KLHL22: variants seen among roughly 807,000 people sequenced by gnomAD.
The protein encoded by KLHL22 is kelch-like protein 22.
A neutral mutation model predicts 60.7 loss-of-function variants in KLHL22; 18 were observed. The ratio of observed to expected loss-of-function variants is 0.30; its 90% CI spans 0.20 to 0.44. KLHL22 has a LOEUF of 0.44. KLHL22 is among the 20% of genes least tolerant of loss of function. KLHL22 has a pLI of 1.00. For synonymous variants in KLHL22, 355 were observed against 354.5 expected (o/e 1.00, Z -0.01); for missense variants, 596 against 852.3 (o/e 0.70, Z 3.74).
rs776861095 is a variant in KLHL22, at chr22:20,471,455, C to T, written c.288G>A (p.Val96=). Residue 96 remains valine (V), a synonymous_variant, in exon 3 of 7, where the codon GTG becomes GTA. Transcript: ENST00000328879. ...MEQEEVLIHG[V]SYNAMCQILH... ...GGATTTGGCACATAGCATTGTAGGA[C>T]ACACCGTGGATCAGGACCTCTTCCT... 1.2e-6 allele frequency: 2 copies of T among 1,614,200 alleles called. No individual in the cohort carries two copies. The highest frequency in any genetic ancestry group is 1.7e-5 in the Admixed American group (1 of 60,018).
chr22:20,471,633 GC>G, intron 2 of KLHL22, 118 bp from the exon 3 acceptor site: 4 of 1,027,358 alleles, frequency 3.9e-6, no homozygotes, highest in African/African-American at 1.6e-5. Context: ...CTGGTAGTGG[GC>G]TGACCCACTC....
intron 5 of KLHL22, chr22:20,451,752 C>T (rs1008197927): frequency 3.2e-6 from 5 of 1,574,262 alleles, no homozygotes; most frequent in Non-Finnish European, 4.4e-6. Context: ...CTATCATCAA[C>T]AGCTGGGAAG....
At chr22:20,475,380 G>A (rs2053395277) in intron 2 of KLHL22, 1 of 151,902 alleles carries the variant, frequency 6.6e-6, no homozygotes, top group African/African-American at 2.4e-5. Context: ...AACTTAGAAA[G>A]GCTTTTTCTT....
At chr22:20,493,348 T>C in intron 1 of KLHL22, 1 of 423,970 alleles carries the variant, frequency 2.4e-6, no homozygotes, top group Non-Finnish European at 4.8e-6. Context: ...AATTCTCTGC[T>C]GGGAAGGAGC....
chr22:20,450,238 A>C, intron 5 of KLHL22: 1 of 852,142 alleles, frequency 1.2e-6, no homozygotes, highest in South Asian at 1.3e-5. Flanking sequence ...CATTGAGTAG[A>C]GCAGAAAGAC....
At chr22:20,493,233 C>A (rs116314055) in intron 1 of KLHL22, 2 of 471,064 alleles carry the variant, frequency 4.2e-6, no homozygotes, top group East Asian at 1.4e-4. Flanking sequence ...AAAACAAGTA[C>A]GGTAAAACAG....
intron 5 of KLHL22, among the ~76,000 whole-genome samples, chr22:20,454,587 G>C (rs896214160): frequency 6.6e-6 from 1 of 152,138 alleles, no homozygotes; most frequent in Non-Finnish European, 1.5e-5. Flanking sequence ...AGTTGGCCTA[G>C]GGGTATATCC....
chr22:20,449,350 G>A (rs1455080024), intron 5 of KLHL22, among the ~76,000 whole-genome samples: 4 of 147,362 alleles, frequency 2.7e-5, no homozygotes, highest in Admixed American at 6.8e-5. Flanking sequence ...GTGAGCCACC[G>A]TGCCCGGCTT....
At chr22:20,482,959 C>CAGTAGGTGGCAGT in intron 2 of KLHL22, 4 of 794,038 alleles carry the variant, frequency 5.0e-6, no homozygotes, top group Non-Finnish European at 8.8e-6. Context: ...CATCTTCCAG[C>CAGTAGGTGGCAGT]AGGCGGCAGT....
At position 20,447,211 on chromosome 22, in the gene KLHL22, CCTCT is replaced by C. The variant is rs1361937219; in HGVS notation, c.1306-539_1306-536del. Among the ~76,000 whole-genome samples, 3 of 152,342 alleles carry C rather than the reference CCTCT, an allele frequency of 2.0e-5. No homozygotes were observed. In the East Asian group the frequency reaches 5.8e-4, roughly 29 times the overall value. On this transcript the variant is annotated intron_variant, in intron 5 of 6. Transcript: ENST00000328879. ...AACCTTCTGTGGGCTTTTTACCCTCCCTCTGTTGGGCTATCTCCATAGGGCCCAG... is the reference window on the plus strand; with the variant it reads ...AACCTTCTGTGGGCTTTTTACCCTCCGTTGGGCTATCTCCATAGGGCCCAG...
intron 2 of KLHL22, among the ~76,000 whole-genome samples, chr22:20,484,541 G>A (rs941349816): frequency 3.9e-5 from 6 of 151,920 alleles, no homozygotes; most frequent in Non-Finnish European, 5.9e-5. Context: ...GTGATCTGCC[G>A]GCCTTGGGCA....
At chr22:20,451,661 C>T in intron 5 of KLHL22, 2 of 1,605,432 alleles carry the variant, frequency 1.2e-6, no homozygotes. Context: ...TATGTAGGGG[C>T]CACAGTGCTT....
Position 20,446,468 on chromosome 22 carries a change from G to A in KLHL22, c.1514C>T (p.Ala505Val). 1 of 1,610,290 alleles carries A rather than the reference G, an allele frequency of 6.2e-7. No individual in the cohort carries two copies. The change falls in exon 6 of 7, where the codon GCC (alanine) becomes GTC (valine). Residue 505 changes from alanine to valine, a missense_variant. By Grantham distance (64) the Ala-to-Val change is moderately conservative. Transcript: ENST00000328879. Reference sequence around the variant, plus strand: ...CTGGTGCACGTCCCTCCTGTATCCGGCATCGTTGTTGCTGCCCCCGATCAC... The same window carrying A: ...CTGGTGCACGTCCCTCCTGTATCCGACATCGTTGTTGCTGCCCCCGATCAC... ...LYVIGGSNNDAGYRRDVHQVA... is the reference protein window; with the variant it reads ...LYVIGGSNNDVGYRRDVHQVA...
chr22:20,472,939 G>A (rs1303439354), intron 2 of KLHL22, among the ~76,000 whole-genome samples: 1 of 152,108 alleles, frequency 6.6e-6, no homozygotes, highest in African/African-American at 2.4e-5. Context: ...CAAGTTCTGG[G>A]GCAAGGCAGA....
chr22:20,493,847 G>A (rs1405221265), intron 1 of KLHL22, among the ~76,000 whole-genome samples: 3 of 151,730 alleles, frequency 2.0e-5, no homozygotes, highest in East Asian at 3.9e-4. Context: ...AGGATCACCT[G>A]AGGTCAGGAG....
intron 6 of KLHL22, among the ~76,000 whole-genome samples, chr22:20,444,337 C>T (rs2052820075): frequency 6.6e-6 from 1 of 152,216 alleles, no homozygotes. Flanking sequence ...TTTAGCCTGG[C>T]AAGGCCCATG....
At chr22:20,492,348 C>G (rs1464031211) in intron 1 of KLHL22, among the ~76,000 whole-genome samples, 1 of 152,110 alleles carries the variant, frequency 6.6e-6, no homozygotes, top group South Asian at 2.1e-4. Context: ...CAGTGATGCC[C>G]CTACCAGTTT....
chr22:20,469,261 C>A (rs910842330), intron 3 of KLHL22, among the ~76,000 whole-genome samples: 1 of 152,174 alleles, frequency 6.6e-6, no homozygotes, highest in Admixed American at 6.5e-5. Context: ...GAAGGATGAC[C>A]TGTCCTCACA....
intron 2 of KLHL22, among the ~76,000 whole-genome samples, chr22:20,486,346 T>G (rs2053587063): frequency 6.6e-6 from 1 of 152,042 alleles, no homozygotes; most frequent in Non-Finnish European, 1.5e-5. Context: ...GGTTTTTCAC[T>G]CCCTATCAGT....
Sources: gnomAD v4.1 joint callset for allele counts (sites outside exome capture counted in the v4.1 genomes callset) on GRCh38, gnomAD v4.1.1 for gene constraint, MANE v1.5 for transcripts, NCBI Gene and HGNC (gene_info 2026-07-23, HGNC 2026-07-21) for gene names.